The following RORB variants were observed in gnomAD, a reference collection of about 807,000 sequenced individuals.
RORB encodes the protein nuclear receptor ROR-beta.
A neutral mutation model predicts 59.1 loss-of-function variants in RORB; 6 were observed. That is an observed-to-expected ratio of 0.10 (90% CI 0.06 to 0.20). The LOEUF (loss-of-function observed/expected upper bound fraction) is 0.20, where lower values mean the gene tolerates loss of function less well. RORB is among the 10% of genes least tolerant of loss of function. The pLI is 1.00. For missense variants in RORB, 320 were observed against 560.5 expected (o/e 0.57, Z 4.33); for synonymous variants, 215 against 204.5 (o/e 1.05, Z -0.44).
chr9:74,665,865 A>G (rs1304148986), intron 7 of RORB, among the ~76,000 whole-genome samples: 2 of 152,190 alleles, frequency 1.3e-5, no homozygotes, highest in African/African-American at 4.8e-5. Context: ...ATGGAGGCCC[A>G]GCGTGGTGGC....
intron 6 of RORB, 87 bp downstream of exon 6, chr9:74,662,693 C>A: frequency 7.1e-7 from 1 of 1,399,320 alleles, no homozygotes; most frequent in Non-Finnish European, 9.9e-7. Context: ...AATCCTCCTT[C>A]CGATATGCAG....
At chr9:74,585,638 C>T (rs1210780639) in intron 1 of RORB, among the ~76,000 whole-genome samples, 2 of 152,152 alleles carry the variant, frequency 1.3e-5, no homozygotes, top group Admixed American at 1.3e-4. Context: ...CTCATTGGTA[C>T]TATACCGTCA....
intron 1 of RORB, among the ~76,000 whole-genome samples, chr9:74,618,971 AT>A (rs1267372802): frequency 1.3e-5 from 2 of 152,166 alleles, no homozygotes; most frequent in Admixed American, 6.6e-5. Context: ...CAATATTAAC[AT>A]TTTTTGCACA....
At chr9:74,536,241 CGG>C (rs1055560904) in intron 1 of RORB, among the ~76,000 whole-genome samples, 1 of 151,004 alleles carries the variant, frequency 6.6e-6, no homozygotes, top group East Asian at 1.9e-4. Flanking sequence ...TAAAAAAGGG[CGG>C]GGGCTAAAAT....
chr9:74,642,410 C>T lies in RORB; in HGVS notation c.236-4C>T, dbSNP rs1310503953. ...GCTGTTTTCTGCTTTTCTCTCCAACCCAGCTGTGAAGTTTGGGAGGATGTC... is the reference window on the plus strand; with the variant it reads ...GCTGTTTTCTGCTTTTCTCTCCAACTCAGCTGTGAAGTTTGGGAGGATGTC... On this transcript the variant is annotated splice_region_variant and splice_polypyrimidine_tract_variant and intron_variant, in intron 3 of 9. Coordinates refer to ENST00000376896, the MANE Select transcript of RORB (RefSeq NM_006914.4). 1.2e-6 allele frequency: 2 copies of T among 1,602,322 alleles called. No homozygotes were observed. The highest frequency in any genetic ancestry group is 1.1e-5 in the South Asian group (1 of 89,460).
At position 74,552,433 on chromosome 9, in the gene RORB, A is replaced by G. The variant is rs549217089; in HGVS notation, c.7+54450A>G. 7.2e-5 allele frequency among the ~76,000 whole-genome samples: 11 copies of G among 152,248 alleles called. No individual in the cohort carries two copies. In the South Asian group the frequency reaches 2.3e-3, roughly 32 times the overall value. On this transcript the variant is annotated intron_variant, in intron 1 of 9. Transcript: ENST00000376896. ...AAGTCAATAACTTCTCTCCACTTCC[A>G]TTTCCTCCTTTGTGAAATGTGGAAT...
At chr9:74,612,765 A>C (rs1250510769) in intron 1 of RORB, among the ~76,000 whole-genome samples, 1 of 152,200 alleles carries the variant, frequency 6.6e-6, no homozygotes, top group Non-Finnish European at 1.5e-5. Context: ...AATAACCTTG[A>C]AGTAGTTCAC....
chr9:74,623,237 G>C (rs1019594629), intron 1 of RORB, among the ~76,000 whole-genome samples: 1 of 152,130 alleles, frequency 6.6e-6, no homozygotes, highest in Non-Finnish European at 1.5e-5. Context: ...AGCCACAACC[G>C]CAAGAGTGAG....
chr9:74,663,022 G>A (rs544100526), intron 6 of RORB, among the ~76,000 whole-genome samples: 22 of 151,660 alleles, frequency 1.5e-4, no homozygotes, highest in Non-Finnish European at 2.6e-4. Flanking sequence ...CCTGCAGCCA[G>A]TATACACCAG....
intron 1 of RORB, among the ~76,000 whole-genome samples, chr9:74,569,843 GTTAAA>G (rs1254383948): frequency 3.3e-5 from 5 of 151,962 alleles, no homozygotes; most frequent in African/African-American, 4.8e-5. Flanking sequence ...TATCTAGCTT[GTTAAA>G]TTAAAGATTC....
chr9:74,613,515 GC>G (rs1823264351), intron 1 of RORB, among the ~76,000 whole-genome samples: 1 of 152,084 alleles, frequency 6.6e-6, no homozygotes. Context: ...AGTCCCTGCT[GC>G]CCGTTAGAAT....
At chr9:74,633,045 G>A (rs1033709583) in intron 2 of RORB, among the ~76,000 whole-genome samples, 4 of 152,204 alleles carry the variant, frequency 2.6e-5, no homozygotes, top group Non-Finnish European at 2.9e-5. Flanking sequence ...GGAGATGCTC[G>A]GCCACACCTC....
intron 3 of RORB, among the ~76,000 whole-genome samples, chr9:74,636,423 G>A (rs1823703968): frequency 6.6e-6 from 1 of 152,144 alleles, no homozygotes; most frequent in Non-Finnish European, 1.5e-5. Context: ...ATGGGCAAGA[G>A]ATGAATATAT....
chr9:74,558,679 TGCTG>T (rs1822347162), intron 1 of RORB, among the ~76,000 whole-genome samples: 1 of 149,490 alleles, frequency 6.7e-6, no homozygotes, highest in Non-Finnish European at 1.5e-5. Flanking sequence ...AAGGACAAAG[TGCTG>T]AGAAGAGATA....
rs533676892 is a variant in RORB at position 74,497,790 on chromosome 9, A to G, written c.-187A>G. 274 of 615,904 alleles carry G rather than the reference A, an allele frequency of 4.4e-4. 1 individual carries two copies. Among genetic ancestry groups the G allele is most frequent in the Admixed American group, 2.0e-3 (74 of 36,484 alleles). The allele number at this position is 615,904 out of a possible 1,614,324, so 38.2% of individuals were successfully genotyped here. On this transcript the variant is annotated 5_prime_UTR_variant, in exon 1 of 10. Coordinates refer to ENST00000376896, the MANE Select transcript of RORB (RefSeq NM_006914.4). The stretch of plus-strand genomic sequence containing the variant: ...AGTCACCACCAACATCAAAACTGTT[A>G]ACATAGCGGCGGCGGCGGCAAACGT...
intron 1 of RORB, among the ~76,000 whole-genome samples, chr9:74,608,639 T>C (rs2118348969): frequency 6.6e-6 from 1 of 152,210 alleles, no homozygotes; most frequent in East Asian, 1.9e-4. Flanking sequence ...ACTTTCCCTC[T>C]GATGAAAAAT....
intron 8 of RORB, among the ~76,000 whole-genome samples, chr9:74,668,720 G>T (rs905784205): frequency 6.6e-6 from 1 of 152,144 alleles, no homozygotes; most frequent in Admixed American, 6.6e-5. Flanking sequence ...TCTTCATCAT[G>T]GTCGTCTTCA....
Position 74,689,859 on chromosome 9 carries a change from C to T in RORB, c.*4241C>T, listed in dbSNP as rs779842438. 1.1e-4 allele frequency: 16 copies of T among 152,156 alleles called. No individual in the cohort carries two copies. Among genetic ancestry groups the T allele is most frequent in the African/African-American group, 1.9e-4 (8 of 41,446 alleles). 9.4% of individuals were successfully genotyped at this position (152,156 alleles called of 1,614,324 possible). On this transcript the variant is annotated 3_prime_UTR_variant, in exon 10 of 10. Transcript: ENST00000376896. ...AACAACAATCAGATGCAAATAATGG[C>T]AGTGTTGTTCTATGTTCTTTGTTTC...
chr9:74,683,280 C>T (rs1203951642), intron 9 of RORB, among the ~76,000 whole-genome samples: 3 of 152,152 alleles, frequency 2.0e-5, no homozygotes, highest in Non-Finnish European at 4.4e-5. Context: ...TTGTTGTAGT[C>T]TCCTTCTGTG....
Sources: allele counts gnomAD v4.1 joint callset (sites outside exome capture counted in the v4.1 genomes callset), GRCh38; gene constraint gnomAD v4.1.1; transcripts MANE v1.5; gene names NCBI Gene and HGNC (gene_info 2026-07-23, HGNC 2026-07-21).